The following SORCS3 variants were observed in gnomAD, a reference collection of about 807,000 sequenced individuals.
SORCS3 encodes VPS10 domain-containing receptor SorCS3.
In SORCS3, 57 loss-of-function variants were observed where a neutral mutation model predicts 146.3. The ratio of observed to expected loss-of-function variants is 0.39; its 90% CI spans 0.31 to 0.49. The LOEUF is 0.49. Among genes scored for constraint, SORCS3 ranks in the 20% least tolerant of loss-of-function variants. The pLI is 0.92. For synonymous variants in SORCS3, 653 were observed against 618.5 expected, an observed-to-expected ratio of 1.06 and a Z score of -0.83; for missense variants, 1,341 against 1,575.5, an observed-to-expected ratio of 0.85 and a Z score of 2.52.
chr10:105,242,566 ATATT>A (rs2056836114), intron 20 of SORCS3, among the ~76,000 whole-genome samples: 1 of 38,692 alleles, frequency 2.6e-5, no homozygotes, highest in African/African-American at 1.1e-4. Context: ...ACATTTATAT[ATATT>A]TATATATTTA....
intron 1 of SORCS3, among the ~76,000 whole-genome samples, chr10:104,689,434 A>C (rs138471176): frequency 1.3e-5 from 2 of 152,178 alleles, no homozygotes; most frequent in East Asian, 1.9e-4. Context: ...CTGTCTCTTC[A>C]TGTAGACTGG....
intron 16 of SORCS3, among the ~76,000 whole-genome samples, chr10:105,201,632 G>C (rs568805307): frequency 3.5e-4 from 54 of 152,248 alleles, no homozygotes; most frequent in African/African-American, 1.3e-3. Flanking sequence ...GCTCTTCTAC[G>C]TGACCTCTCT....
intron 1 of SORCS3, among the ~76,000 whole-genome samples, chr10:104,708,989 G>A (rs2016381868): frequency 6.6e-6 from 1 of 152,216 alleles, no homozygotes. Flanking sequence ...GTGCAGTGGA[G>A]CCACTTCTTT....
At chr10:104,856,736 T>C (rs917072007) in intron 2 of SORCS3, among the ~76,000 whole-genome samples, 46 of 145,682 alleles carry the variant, frequency 3.2e-4, no homozygotes, top group Non-Finnish European at 1.7e-4. Flanking sequence ...TCTCTCTCTA[T>C]AGATCTCTAA....
chr10:105,230,049 C>G (rs1040047391), intron 20 of SORCS3, among the ~76,000 whole-genome samples: 2 of 152,072 alleles, frequency 1.3e-5, no homozygotes, highest in African/African-American at 4.8e-5. Flanking sequence ...GGTGCCAGCT[C>G]TGGTGGTAGT....
Position 105,117,711 on chromosome 10 carries a change from A to C in SORCS3, c.1212+12196A>C, listed in dbSNP as rs192307314. Among the ~76,000 whole-genome samples, 124 of 152,258 alleles carry C rather than the reference A, an allele frequency of 8.1e-4. 2 individuals are homozygous for C. Among genetic ancestry groups the C allele is most frequent in the Middle Eastern group, 6.8e-3 (2 of 294 alleles). The stretch of plus-strand genomic sequence containing the variant: ...GAGCACTAGCTGTATTCATAATCCC[A>C]TCTTCTCATTTCCCTGTCTCTGTAA... On this transcript the variant is annotated intron_variant, in intron 7 of 26. Coordinates refer to ENST00000369701, the MANE Select transcript of SORCS3 (RefSeq NM_014978.3).
At chr10:105,041,007 ATATT>A (rs2055334371) in intron 4 of SORCS3, among the ~76,000 whole-genome samples, 1 of 147,896 alleles carries the variant, frequency 6.8e-6, no homozygotes. Context: ...ATTTGTATAT[ATATT>A]TAGCATATTC....
chr10:104,918,446 G>T (rs761506043), intron 3 of SORCS3, among the ~76,000 whole-genome samples: 1 of 152,132 alleles, frequency 6.6e-6, no homozygotes, highest in Non-Finnish European at 1.5e-5. Flanking sequence ...GATAGCGTAG[G>T]GGTTCAAAAT....
chr10:105,032,028 A>T (rs1284153586), intron 4 of SORCS3, among the ~76,000 whole-genome samples: 1 of 152,142 alleles, frequency 6.6e-6, no homozygotes, highest in East Asian at 1.9e-4. Context: ...CCCCGTCTGT[A>T]CTAAAAATAC....
chr10:105,143,481 G>C (rs912889519), intron 8 of SORCS3, among the ~76,000 whole-genome samples: 8 of 151,984 alleles, frequency 5.3e-5, no homozygotes, highest in Non-Finnish European at 1.0e-4. Context: ...ATTTAACCAA[G>C]GTTGTAAACT....
intron 8 of SORCS3, among the ~76,000 whole-genome samples, chr10:105,141,877 C>T (rs537224761): frequency 1.3e-5 from 2 of 152,264 alleles, no homozygotes; most frequent in South Asian, 4.2e-4. Context: ...ATCCATGAGC[C>T]CAGGTCTTCA....
At chr10:105,027,639 T>TA (rs2055239620) in intron 4 of SORCS3, among the ~76,000 whole-genome samples, 1 of 152,200 alleles carries the variant, frequency 6.6e-6, no homozygotes, top group Non-Finnish European at 1.5e-5. Flanking sequence ...GATGGGCACA[T>TA]ACTCAGCTGA....
intron 1 of SORCS3, among the ~76,000 whole-genome samples, chr10:104,723,444 A>G (rs2016577460): frequency 6.6e-6 from 1 of 152,172 alleles, no homozygotes; most frequent in Non-Finnish European, 1.5e-5. Context: ...GCTGAAAAGA[A>G]TTTATATTCT....
intron 5 of SORCS3, among the ~76,000 whole-genome samples, chr10:105,077,347 C>G (rs1371762938): frequency 1.3e-5 from 2 of 152,072 alleles, no homozygotes; most frequent in Non-Finnish European, 2.9e-5. Context: ...AAGTCCCAAC[C>G]CTATGGTTTG....
Position 105,002,393 on chromosome 10 carries a change from G to A in SORCS3, c.954+24900G>A, listed in dbSNP as rs547211743. The stretch of plus-strand genomic sequence containing the variant: ...TTTTATTGAAGACTGACTTGTGATG[G>A]CAGTAACCTCAGATAGGTAGGAATA... On this transcript the variant is annotated intron_variant, in intron 4 of 26. Transcript: ENST00000369701. Among the ~76,000 whole-genome samples, 4 of 152,238 alleles carry A rather than the reference G, an allele frequency of 2.6e-5. No individual in the cohort carries two copies. In the South Asian group the frequency reaches 8.3e-4, roughly 32 times the overall value.
chr10:104,989,416 A>T (rs1045059398), intron 4 of SORCS3, among the ~76,000 whole-genome samples: 4 of 152,188 alleles, frequency 2.6e-5, no homozygotes, highest in Admixed American at 2.0e-4. Context: ...TGGGCATAGG[A>T]ATTTCAGAAC....
At chr10:105,044,817 C>T (rs1352363601) in intron 5 of SORCS3, among the ~76,000 whole-genome samples, 1 of 152,044 alleles carries the variant, frequency 6.6e-6, no homozygotes, top group Non-Finnish European at 1.5e-5. Context: ...ATGTTTGCCC[C>T]TTACAGGCCT....
chr10:105,219,657 C>A (rs1334585769), intron 19 of SORCS3, among the ~76,000 whole-genome samples: 2 of 152,144 alleles, frequency 1.3e-5, no homozygotes, highest in Non-Finnish European at 2.9e-5. Context: ...CAGCTTGGTG[C>A]ATGATGAATT....
At chr10:104,727,821 A>C (rs1270890440) in intron 1 of SORCS3, among the ~76,000 whole-genome samples, 1 of 151,948 alleles carries the variant, frequency 6.6e-6, no homozygotes, top group East Asian at 1.9e-4. Flanking sequence ...AGGAGCATGA[A>C]CCTTACTGTG....
Sources: allele counts gnomAD v4.1 joint callset (sites outside exome capture counted in the v4.1 genomes callset), GRCh38; gene constraint gnomAD v4.1.1; transcripts MANE v1.5; gene names NCBI Gene and HGNC (gene_info 2026-07-23, HGNC 2026-07-21).